The following CPED1 variants were observed in gnomAD, a reference collection of about 807,000 sequenced individuals.
The protein encoded by CPED1 is cadherin-like and PC-esterase domain-containing protein 1.
In CPED1, 114 loss-of-function variants were observed where a neutral mutation model predicts 128.2. The ratio of observed to expected loss-of-function variants is 0.89; its 90% CI spans 0.76 to 1.04. The LOEUF (loss-of-function observed/expected upper bound fraction) is 1.04, where lower values mean the gene tolerates loss of function less well. Among genes scored for constraint, CPED1 ranks in the 50% least tolerant of loss-of-function variants. CPED1 has a pLI of 0.00. For synonymous variants in CPED1, 462 were observed against 426.7 expected (o/e 1.08, Z -1.02); for missense variants, 1,211 against 1,207.1 (o/e 1.00, Z -0.05).
intron 3 of CPED1, among the ~76,000 whole-genome samples, chr7:121,027,742 G>GTAATAATAATAATAA (rs10682627): frequency 4.2e-5 from 6 of 143,490 alleles, no homozygotes; most frequent in Non-Finnish European, 6.1e-5. Flanking sequence ...ATAACCTTTA[G>GTAATAATAATAATAA]TAATAATAAT....
At chr7:121,259,356 G>A (rs1166962520) in intron 18 of CPED1, among the ~76,000 whole-genome samples, 1 of 151,894 alleles carries the variant, frequency 6.6e-6, no homozygotes, top group Non-Finnish European at 1.5e-5. Flanking sequence ...GTGGAAAGTT[G>A]GAACAAGTTT....
At chr7:121,286,069 G>A (rs919551583) in intron 22 of CPED1, among the ~76,000 whole-genome samples, 2 of 152,174 alleles carry the variant, frequency 1.3e-5, no homozygotes, top group African/African-American at 4.8e-5. Flanking sequence ...CAATCATAGT[G>A]GAAAAGAAGC....
chr7:121,188,278 T>G (rs1797050912), intron 16 of CPED1, among the ~76,000 whole-genome samples: 1 of 152,134 alleles, frequency 6.6e-6, no homozygotes, highest in Admixed American at 6.6e-5. Context: ...TTATTATTTT[T>G]TTATTCTATG....
At chr7:121,083,931 T>G (rs1794356087) in intron 5 of CPED1, 1 of 152,210 alleles carries the variant, frequency 6.6e-6, no homozygotes, top group Admixed American at 6.5e-5. Context: ...CAATGCACAG[T>G]GAGCACCCCA....
At chr7:121,084,948 G>A (rs985392918) in intron 5 of CPED1, among the ~76,000 whole-genome samples, 4 of 152,164 alleles carry the variant, frequency 2.6e-5, no homozygotes, top group Non-Finnish European at 4.4e-5. Flanking sequence ...ATCTATTTGT[G>A]GCCTTTATCC....
chr7:121,256,927 A>T (rs1330853969), intron 18 of CPED1, among the ~76,000 whole-genome samples: 1 of 152,050 alleles, frequency 6.6e-6, no homozygotes, highest in Admixed American at 6.6e-5. Context: ...CAGAAACATG[A>T]ATGCAGCTGG....
At chr7:121,150,217 C>A (rs960259060) in intron 16 of CPED1, among the ~76,000 whole-genome samples, 2 of 150,320 alleles carry the variant, frequency 1.3e-5, no homozygotes, top group Non-Finnish European at 3.0e-5. Context: ...CCTTTCTCCC[C>A]CATCTAGTAT....
chr7:121,212,395 G>A (rs1434975542), intron 16 of CPED1, among the ~76,000 whole-genome samples: 2 of 152,078 alleles, frequency 1.3e-5, no homozygotes, highest in African/African-American at 4.8e-5. Context: ...TATAGGAAAG[G>A]ATCAATTGCT....
chr7:121,025,915 C>T (rs780243629), intron 3 of CPED1, among the ~76,000 whole-genome samples: 9 of 152,198 alleles, frequency 5.9e-5, no homozygotes, highest in Non-Finnish European at 8.8e-5. Flanking sequence ...TGTGTCCTAC[C>T]GCCTCAACAT....
At chr7:121,266,164 A>G in intron 18 of CPED1, 63 bp from the exon 19 acceptor site, 1 of 1,278,664 alleles carries the variant, frequency 7.8e-7, no homozygotes, top group East Asian at 2.3e-5. Context: ...TCATTATTTT[A>G]AACTATCTCC....
intron 16 of CPED1, among the ~76,000 whole-genome samples, chr7:121,203,901 C>G (rs1005141800): frequency 2.0e-5 from 3 of 152,058 alleles, no homozygotes; most frequent in Non-Finnish European, 4.4e-5. Context: ...AGGGTTGGCT[C>G]TAGGTCTTGG....
chr7:121,137,361 G>A (rs1391131635), intron 14 of CPED1, among the ~76,000 whole-genome samples: 2 of 151,914 alleles, frequency 1.3e-5, no homozygotes, highest in Non-Finnish European at 2.9e-5. Context: ...TGTATAGAAA[G>A]GAGGTCTTGC....
chr7:121,135,839 T>C (rs189113691), intron 13 of CPED1, among the ~76,000 whole-genome samples: 28 of 152,176 alleles, frequency 1.8e-4, no homozygotes, highest in Middle Eastern at 6.8e-3. Context: ...AATATTTTTC[T>C]ATTTGAAATA....
chr7:121,261,975 A>C (rs896250779), intron 18 of CPED1: 9 of 393,308 alleles, frequency 2.3e-5, no homozygotes, highest in African/African-American at 4.3e-5. Flanking sequence ...GTGATCCCCA[A>C]TGTTGGAAGT....
intron 2 of CPED1, among the ~76,000 whole-genome samples, chr7:121,006,201 G>A (rs1792010241): frequency 6.6e-6 from 1 of 152,098 alleles, no homozygotes; most frequent in African/African-American, 2.4e-5. Context: ...GGCATCAGGG[G>A]ACAGAGACTT....
chr7:121,279,001 T>C (rs1792382755), intron 22 of CPED1, among the ~76,000 whole-genome samples: 1 of 152,172 alleles, frequency 6.6e-6, no homozygotes, highest in African/African-American at 2.4e-5. Flanking sequence ...AGTTTATTAC[T>C]AGCCTTTAAG....
intron 16 of CPED1, among the ~76,000 whole-genome samples, chr7:121,145,696 T>C (rs1163262485): frequency 6.6e-6 from 1 of 152,102 alleles, no homozygotes; most frequent in Admixed American, 6.6e-5. Flanking sequence ...CTTTTATATT[T>C]AATCTCATTA....
intron 18 of CPED1, among the ~76,000 whole-genome samples, chr7:121,260,221 GCGTTTT>G (rs1705950781): frequency 8.9e-6 from 1 of 112,258 alleles, no homozygotes; most frequent in African/African-American, 3.3e-5. Context: ...TGCTTGCTTC[GCGTTTT>G]TTTTTTTTTT....
intron 16 of CPED1, among the ~76,000 whole-genome samples, chr7:121,157,552 C>T (rs1468044433): frequency 2.0e-5 from 3 of 152,126 alleles, no homozygotes; most frequent in Non-Finnish European, 4.4e-5. Context: ...GTTCCAATGT[C>T]ACACTGAACT....
Sources: gnomAD v4.1 joint callset for allele counts (sites outside exome capture counted in the v4.1 genomes callset) on GRCh38, gnomAD v4.1.1 for gene constraint, MANE v1.5 for transcripts, NCBI Gene and HGNC (gene_info 2026-07-23, HGNC 2026-07-21) for gene names.